ASXL3: variants seen among roughly 807,000 people sequenced by gnomAD.
ASXL3 encodes ASXL transcriptional regulator 3, also known as putative Polycomb group protein ASXL3.
Under a neutral mutation model 170.6 loss-of-function variants are expected in ASXL3, and 34 were observed. The observed-to-expected ratio is 0.20, with a 90% CI of 0.15 to 0.27. The LOEUF is 0.27. Ranked by LOEUF, ASXL3 falls within the 10% of genes least tolerant of loss-of-function variation. The pLI is 1.00. For missense variants in ASXL3, 2,592 were observed against 2,695.3 expected, an observed-to-expected ratio of 0.96 and a Z score of 0.85; for synonymous variants, 1,002 against 989.1, an observed-to-expected ratio of 1.01 and a Z score of -0.24.
intron 2 of ASXL3, among the ~76,000 whole-genome samples, chr18:33,624,858 AT>A (rs2065575784): frequency 6.6e-6 from 1 of 152,140 alleles, no homozygotes; most frequent in Non-Finnish European, 1.5e-5. Context: ...TCAGTTTAAT[AT>A]TTATTGAACA....
intron 8 of ASXL3, among the ~76,000 whole-genome samples, chr18:33,711,723 C>T (rs142506406): frequency 3.9e-5 from 6 of 152,118 alleles, no homozygotes; most frequent in Non-Finnish European, 5.9e-5. Flanking sequence ...TTAGATCACT[C>T]GGTGTCTGGG....
At chr18:33,601,462 A>G (rs957942345) in intron 1 of ASXL3, among the ~76,000 whole-genome samples, 7 of 151,972 alleles carry the variant, frequency 4.6e-5, no homozygotes, top group Non-Finnish European at 1.0e-4. Context: ...TCAGACATCT[A>G]GTGAGTAGGG....
intron 1 of ASXL3, among the ~76,000 whole-genome samples, chr18:33,601,275 T>A (rs949123441): frequency 2.0e-5 from 3 of 152,116 alleles, no homozygotes; most frequent in African/African-American, 4.8e-5. Flanking sequence ...CCAGCTTTTT[T>A]TTTTCAGCCA....
intron 2 of ASXL3, chr18:33,608,990 C>T (rs1033324440): frequency 2.0e-5 from 19 of 972,338 alleles, no homozygotes; most frequent in African/African-American, 1.1e-4. Flanking sequence ...TTTTTGCCTA[C>T]GCTGGAGAAA....
intron 8 of ASXL3, among the ~76,000 whole-genome samples, chr18:33,722,648 G>T (rs2067282881): frequency 6.6e-6 from 1 of 152,150 alleles, no homozygotes; most frequent in Admixed American, 6.6e-5. Flanking sequence ...AAAGTGCAAG[G>T]TGAAACGGCA....
rs1396395220 is a variant in ASXL3 at position 33,604,113 on chromosome 18, A to G, written c.55-3481A>G. Among the ~76,000 whole-genome samples the G allele has an allele frequency of 4.6e-5, 7 of 152,204 alleles. No individual in the cohort carries two copies. In the East Asian group the frequency reaches 1.4e-3, roughly 29 times the overall value. On this transcript the variant is annotated intron_variant, in intron 1 of 11. Coordinates refer to ENST00000269197, the MANE Select transcript of ASXL3 (RefSeq NM_030632.3). ...AAAGATTAATTGTTAGCCAATATAAATAATGTAGGAAAGATAAAGCATACA... is the reference window on the plus strand; with the variant it reads ...AAAGATTAATTGTTAGCCAATATAAGTAATGTAGGAAAGATAAAGCATACA...
At chr18:33,713,233 T>TTTTTTGTTTG (rs1453565906) in intron 8 of ASXL3, among the ~76,000 whole-genome samples, 1 of 74,870 alleles carries the variant, frequency 1.3e-5, no homozygotes, top group African/African-American at 7.6e-5. Flanking sequence ...AAGAAGGTTT[T>TTTTTTGTTTG]TTTTGTTTTG....
chr18:33,740,488 T>G (rs2067645288), intron 11 of ASXL3, 45 bp downstream of exon 11: 3 of 1,460,138 alleles, frequency 2.1e-6, no homozygotes, highest in African/African-American at 2.8e-5. Context: ...GATAGGCTTT[T>G]CCTATTTAGA....
intron 8 of ASXL3, among the ~76,000 whole-genome samples, chr18:33,711,247 T>G (rs2067057065): frequency 6.6e-6 from 1 of 152,230 alleles, no homozygotes; most frequent in Non-Finnish European, 1.5e-5. Flanking sequence ...TTTTTTATTT[T>G]TAATGTCCAT....
At chr18:33,637,487 ATGG>A (rs1202863530) in intron 2 of ASXL3, among the ~76,000 whole-genome samples, 2 of 152,158 alleles carry the variant, frequency 1.3e-5, no homozygotes, top group Admixed American at 1.3e-4. Flanking sequence ...GATTCTGGAA[ATGG>A]TGGAGTATTG....
At position 33,749,466 on chromosome 18, in the gene ASXL3, G is replaced by A. The variant is rs2067850395; in HGVS notation, c.*2871G>A. On this transcript the variant is annotated 3_prime_UTR_variant, in exon 12 of 12. Transcript: ENST00000269197. ...TTTTTTTTTTTTAATCACAAAGGAT[G>A]TATTTCCCTAAGTAGCACTTTTGGA... 1 of 151,562 alleles carries A rather than the reference G, an allele frequency of 6.6e-6. No individual in the cohort carries two copies. Among genetic ancestry groups the A allele is most frequent in the Admixed American group, 6.6e-5 (1 of 15,210 alleles). 9.4% of individuals were successfully genotyped at this position (151,562 alleles called of 1,614,324 possible). A position where few individuals can be genotyped will look rare whatever the true frequency, so the allele number is the denominator to read the frequency against.
rs3809987 is a variant in ASXL3, at chr18:33,745,779, T to A, written c.5931T>A (p.Leu1977=). 2.8e-4 allele frequency: 453 copies of A among 1,613,974 alleles called. 3 individuals carry two copies. In the East Asian group the frequency reaches 0.01, roughly 36 times the overall value. Residue 1977 remains leucine, a synonymous_variant, in exon 12 of 12, where the codon CTT becomes CTA. Coordinates refer to ENST00000269197, the MANE Select transcript of ASXL3 (RefSeq NM_030632.3). ...LEQKGLGEVS[L]SSAPHQLRLA... ...AGAAGGGATTGGGAGAGGTTAGTCT[T>A]TCCTCAGCACCTCACCAGCTAAGGT...
intron 1 of ASXL3, among the ~76,000 whole-genome samples, chr18:33,600,235 A>G (rs904578720): frequency 3.9e-5 from 6 of 152,292 alleles, no homozygotes; most frequent in African/African-American, 9.6e-5. Flanking sequence ...AATATGTGGC[A>G]ACGTATTTTG....
chr18:33,741,559 A>T (rs1286284574), intron 11 of ASXL3, among the ~76,000 whole-genome samples: 2 of 152,202 alleles, frequency 1.3e-5, no homozygotes, highest in Non-Finnish European at 2.9e-5. Context: ...TAAAAGAGCA[A>T]ATTGAATCTT....
intron 1 of ASXL3, among the ~76,000 whole-genome samples, chr18:33,607,268 T>G (rs565086197): frequency 6.6e-6 from 1 of 152,020 alleles, no homozygotes; most frequent in Non-Finnish European, 1.5e-5. Context: ...AACATGACTT[T>G]CACCATAAAA....
chr18:33,664,893 A>G (rs562875087), intron 5 of ASXL3, among the ~76,000 whole-genome samples: 19 of 152,336 alleles, frequency 1.2e-4, no homozygotes, highest in Admixed American at 9.8e-4. Context: ...TCAAAACGTT[A>G]GTTAACATCA....
rs1252383204 is a variant in ASXL3, at chr18:33,739,036, T to C, written c.1632T>C (p.Ile544=). ...IDQLEVCDSL[I]PSTSSMTHVS... ...AGTTAGAAGTCTGTGACTCTCTTAT[T>C]CCTTCCACTTCATCTATGACTCATG... The change falls in exon 11 of 12, where the codon ATT becomes ATC. Residue 544 remains isoleucine (I), a synonymous_variant. Transcript: ENST00000269197. 1 of 1,613,512 alleles carries C rather than the reference T, an allele frequency of 6.2e-7. No homozygotes were observed. The highest frequency in any genetic ancestry group is 1.1e-5 in the South Asian group (1 of 90,964).
At chr18:33,718,902 T>G (rs1254541068) in intron 8 of ASXL3, among the ~76,000 whole-genome samples, 1 of 152,054 alleles carries the variant, frequency 6.6e-6, no homozygotes, top group Admixed American at 6.6e-5. Context: ...CAGGGGCTCC[T>G]AGAGTATGTC....
intron 2 of ASXL3, among the ~76,000 whole-genome samples, chr18:33,622,583 G>A (rs2065531896): frequency 1.3e-5 from 2 of 152,168 alleles, no homozygotes; most frequent in Admixed American, 1.3e-4. Flanking sequence ...CAGTCTGAAG[G>A]TGGGTAGTCC....
Sources: gnomAD v4.1 joint callset for allele counts (sites outside exome capture counted in the v4.1 genomes callset) on GRCh38, gnomAD v4.1.1 for gene constraint, MANE v1.5 for transcripts, NCBI Gene and HGNC (gene_info 2026-07-23, HGNC 2026-07-21) for gene names.